The following ANK3 variants were observed in gnomAD, a reference collection of about 807,000 sequenced individuals.
The protein encoded by ANK3 is ankyrin-3.
Under a neutral mutation model 370.9 loss-of-function variants are expected in ANK3, and 57 were observed. The observed-to-expected ratio is 0.15, with a 90% confidence interval of 0.12 to 0.19. The LOEUF is 0.19. Ranked by LOEUF, ANK3 falls within the 10% of genes least tolerant of loss-of-function variation. The pLI is 1.00. For missense variants in ANK3, 4,439 were observed against 5,302.1 expected (o/e 0.84, Z 5.06); for synonymous variants, 1,929 against 1,946.3 (o/e 0.99, Z 0.23).
intron 42 of ANK3, among the ~76,000 whole-genome samples, chr10:60,055,093 A>G (rs987061206): frequency 1.3e-5 from 2 of 152,196 alleles, no homozygotes; most frequent in African/African-American, 4.8e-5. Flanking sequence ...AATTATAAAA[A>G]TTATACTTCT....
chr10:60,424,485 C>G (rs1274406638), intron 2 of ANK3, among the ~76,000 whole-genome samples: 2 of 151,862 alleles, frequency 1.3e-5, no homozygotes, highest in Non-Finnish European at 2.9e-5. Context: ...GAAGGGCATA[C>G]GAAGAAAATT....
intron 2 of ANK3, among the ~76,000 whole-genome samples, chr10:60,423,371 G>T (rs1022555637): frequency 1.3e-5 from 2 of 150,908 alleles, no homozygotes; most frequent in Non-Finnish European, 1.5e-5. Flanking sequence ...TTAATACAAG[G>T]TGGAGGTAGG....
intron 2 of ANK3, among the ~76,000 whole-genome samples, chr10:60,583,521 T>TG (rs2077786484): frequency 1.6e-5 from 2 of 126,960 alleles, no homozygotes; most frequent in Non-Finnish European, 3.4e-5. Flanking sequence ...GTTTTTTGTT[T>TG]TTTGTTTTTT....
intron 1 of ANK3, among the ~76,000 whole-genome samples, chr10:60,649,954 T>A (rs1016238235): frequency 3.3e-5 from 5 of 152,202 alleles, no homozygotes; most frequent in African/African-American, 1.2e-4. Flanking sequence ...CACCTTGCCT[T>A]TTGTTCACTG....
intron 2 of ANK3, among the ~76,000 whole-genome samples, chr10:60,445,355 A>T (rs1191306134): frequency 6.6e-6 from 1 of 152,106 alleles, no homozygotes; most frequent in Non-Finnish European, 1.5e-5. Context: ...ACACCACTGC[A>T]CTCCAGCTTG....
chr10:60,098,264 T>A (rs2090528904), intron 28 of ANK3, among the ~76,000 whole-genome samples: 1 of 152,168 alleles, frequency 6.6e-6, no homozygotes, highest in Non-Finnish European at 1.5e-5. Context: ...AGTCAATCTG[T>A]AGCAGATCTA....
At chr10:60,408,144 C>A (rs1440161773) in intron 2 of ANK3, among the ~76,000 whole-genome samples, 1 of 152,210 alleles carries the variant, frequency 6.6e-6, no homozygotes, top group East Asian at 1.9e-4. Flanking sequence ...CTAAGAAACA[C>A]TCTTACCATT....
In ANK3 at chr10:60,639,626, T is replaced by A. The variant is rs541894418; in HGVS notation, c.58-24402A>T. Among the ~76,000 whole-genome samples the A allele has an allele frequency of 2.6e-5, 4 of 152,012 alleles. No individual in the cohort carries two copies. The South Asian group carries it at 6.2e-4, about 24-fold the overall frequency. The stretch of plus-strand genomic sequence containing the variant: ...TTGTAAGATTCTTACATGGGTGGTA[T>A]ATTAGAATTTGAATATATAATGATA... On this transcript the variant is annotated intron_variant, in intron 1 of 43. Transcript: ENST00000373827.
chr10:60,211,111 C>T lies in ANK3; in HGVS notation c.996+2301G>A, dbSNP rs139181709. Among the ~76,000 whole-genome samples the T allele has an allele frequency of 2.4e-3, 364 of 152,238 alleles. 1 individual carries two copies. Among genetic ancestry groups the T allele is most frequent in the African/African-American group, 8.5e-3 (352 of 41,540 alleles). ...CCCAAAAAGGCAAAGGCTGTGGAAG[C>T]GTAGTACCTCAGAAGATAAAGTGAG... On this transcript the variant is annotated intron_variant, in intron 9 of 43. Coordinates refer to ENST00000280772, the MANE Select transcript of ANK3 (RefSeq NM_020987.5).
At chr10:60,199,625 C>T (rs2096642365) in intron 13 of ANK3, among the ~76,000 whole-genome samples, 1 of 151,936 alleles carries the variant, frequency 6.6e-6, no homozygotes, top group African/African-American at 2.4e-5. Context: ...ATCCCAATAG[C>T]AGCAGATAAG....
chr10:60,095,948 T>G (rs1431192032), intron 28 of ANK3, among the ~76,000 whole-genome samples: 2 of 152,032 alleles, frequency 1.3e-5, no homozygotes, highest in Non-Finnish European at 2.9e-5. Flanking sequence ...CTGGGGTGGG[T>G]GGATCACCTG....
chr10:60,147,393 G>A (rs530207152), intron 23 of ANK3, among the ~76,000 whole-genome samples: 2 of 152,320 alleles, frequency 1.3e-5, no homozygotes, highest in South Asian at 4.1e-4. Context: ...GATTATTTAT[G>A]GGGTGGGAGA....
intron 25 of ANK3, among the ~76,000 whole-genome samples, chr10:60,122,671 C>T (rs1045897111): frequency 1.3e-5 from 2 of 152,172 alleles, no homozygotes; most frequent in African/African-American, 4.8e-5. Context: ...AGTCTGGCAC[C>T]AATGCAGTGC....
chr10:60,475,283 A>G (rs1234308756), intron 2 of ANK3, among the ~76,000 whole-genome samples: 1 of 149,956 alleles, frequency 6.7e-6, no homozygotes, highest in Non-Finnish European at 1.5e-5. Context: ...ATACACGTCA[A>G]CTATGACAGA....
intron 1 of ANK3, among the ~76,000 whole-genome samples, chr10:60,374,280 G>C (rs2060486928): frequency 1.3e-5 from 2 of 152,132 alleles, no homozygotes; most frequent in South Asian, 4.1e-4. Context: ...CTTTTCATCA[G>C]ATGTCTTCAG....
At chr10:60,278,034 C>A (rs2098115508) in intron 4 of ANK3, among the ~76,000 whole-genome samples, 1 of 152,276 alleles carries the variant, frequency 6.6e-6, no homozygotes, top group South Asian at 2.1e-4. Flanking sequence ...AAAGTTAATT[C>A]TTTTAGATTC....
intron 2 of ANK3, among the ~76,000 whole-genome samples, chr10:60,402,304 C>T (rs1594958410): frequency 1.3e-5 from 2 of 152,174 alleles, no homozygotes; most frequent in East Asian, 3.9e-4. Flanking sequence ...TAAAAAAATG[C>T]ATAAGTATTA....
chr10:60,673,225 A>C (rs2079083997), intron 1 of ANK3, among the ~76,000 whole-genome samples: 1 of 152,098 alleles, frequency 6.6e-6, no homozygotes, highest in Non-Finnish European at 1.5e-5. Context: ...ACAGAAGAGG[A>C]AAGACATTCA....
At chr10:60,411,685 C>A (rs967569729) in intron 2 of ANK3, among the ~76,000 whole-genome samples, 1 of 152,134 alleles carries the variant, frequency 6.6e-6, no homozygotes, top group Non-Finnish European at 1.5e-5. Flanking sequence ...CAGGACCAGA[C>A]TGCCTGGATA....
Sources: allele counts gnomAD v4.1 joint callset (sites outside exome capture counted in the v4.1 genomes callset), GRCh38; gene constraint gnomAD v4.1.1; transcripts MANE v1.5; gene names NCBI Gene and HGNC (gene_info 2026-07-23, HGNC 2026-07-21).